The following NOS1AP variants were observed in gnomAD, a reference collection of about 807,000 sequenced individuals.
NOS1AP encodes carboxyl-terminal PDZ ligand of neuronal nitric oxide synthase protein.
Under a neutral mutation model 56.2 loss-of-function variants are expected in NOS1AP, and 21 were observed. The observed-to-expected ratio is 0.37, with a 90% CI of 0.26 to 0.54. NOS1AP has a LOEUF of 0.54. Among genes scored for constraint, NOS1AP ranks in the 20% least tolerant of loss-of-function variants. The pLI is 0.84. For synonymous variants in NOS1AP, 270 were observed against 274.6 expected (o/e 0.98, Z 0.17); for missense variants, 522 against 657.8 (o/e 0.79, Z 2.26).
At chr1:162,077,138 C>G (rs978815395) in intron 1 of NOS1AP, among the ~76,000 whole-genome samples, 5 of 151,928 alleles carry the variant, frequency 3.3e-5, no homozygotes, top group African/African-American at 1.2e-4. Context: ...CCATGGTAAC[C>G]ATGTGTGACC....
At chr1:162,254,612 A>G (rs905473500) in intron 2 of NOS1AP, among the ~76,000 whole-genome samples, 25 of 152,344 alleles carry the variant, frequency 1.6e-4, no homozygotes, top group African/African-American at 5.5e-4. Flanking sequence ...TGTTTTCTAC[A>G]GTAGCTAGCG....
chr1:162,079,217 C>T (rs1691836647), intron 1 of NOS1AP, among the ~76,000 whole-genome samples: 1 of 152,060 alleles, frequency 6.6e-6, no homozygotes, highest in African/African-American at 2.4e-5. Flanking sequence ...ATGAAAATAC[C>T]AAGTAAGCAT....
chr1:162,265,244 T>A (rs10919020), intron 2 of NOS1AP, among the ~76,000 whole-genome samples: 147,440 of 150,682 alleles, frequency 0.98, 72,209 homozygotes, highest in Middle Eastern at 1. Flanking sequence ...TTTTATTATT[T>A]TACTTTAAGT....
intron 4 of NOS1AP, among the ~76,000 whole-genome samples, chr1:162,314,251 G>C (rs1656155453): frequency 6.6e-6 from 1 of 152,194 alleles, no homozygotes; most frequent in Non-Finnish European, 1.5e-5. Context: ...ACTGAAAATA[G>C]CTACCAAAGC....
intron 2 of NOS1AP, among the ~76,000 whole-genome samples, chr1:162,219,072 C>T (rs1652677743): frequency 6.6e-6 from 1 of 152,094 alleles, no homozygotes. Context: ...CTAATAGCTT[C>T]GGCATGACAT....
intron 5 of NOS1AP, among the ~76,000 whole-genome samples, chr1:162,335,313 G>A (rs1053979504): frequency 6.6e-6 from 1 of 152,218 alleles, no homozygotes; most frequent in Admixed American, 6.5e-5. Flanking sequence ...CAGCCTGGGC[G>A]TTGAGCCCTG....
chr1:162,195,959 A>G (rs557700873), intron 2 of NOS1AP, among the ~76,000 whole-genome samples: 1 of 152,364 alleles, frequency 6.6e-6, no homozygotes, highest in African/African-American at 2.4e-5. Flanking sequence ...CTCTAAATAA[A>G]AAGTAAGCCA....
Position 162,081,777 on chromosome 1 carries a change from T to A in NOS1AP, c.105+11495T>A, listed in dbSNP as rs866209639. Among the ~76,000 whole-genome samples, 17 of 124,544 alleles carry A rather than the reference T, an allele frequency of 1.4e-4. 1 individual carries two copies. Among genetic ancestry groups the A allele is most frequent in the Middle Eastern group, 7.8e-3 (2 of 256 alleles). The allele number at this position is 124,544 out of a possible 152,430, so 81.7% of individuals were successfully genotyped here. On this transcript the variant is annotated intron_variant, in intron 1 of 9. Transcript: ENST00000361897. ...ATAGATATATATATATATATATATTTTTTTTTTGTAGAGATGGGTTTTCAC... is the reference window on the plus strand; with the variant it reads ...ATAGATATATATATATATATATATTATTTTTTTGTAGAGATGGGTTTTCAC...
At chr1:162,192,333 T>G (rs1366917120) in intron 2 of NOS1AP, among the ~76,000 whole-genome samples, 1 of 152,198 alleles carries the variant, frequency 6.6e-6, no homozygotes. Flanking sequence ...CTGCAGATTG[T>G]CCTGTTAAAC....
At chr1:162,335,204 G>A (rs943825182) in intron 5 of NOS1AP, among the ~76,000 whole-genome samples, 2 of 152,048 alleles carry the variant, frequency 1.3e-5, no homozygotes, top group African/African-American at 2.4e-5. Context: ...TTCCTATACC[G>A]CTTTCATCCT....
chr1:162,315,746 C>G (rs541923333), intron 4 of NOS1AP, among the ~76,000 whole-genome samples: 1 of 152,344 alleles, frequency 6.6e-6, no homozygotes, highest in Admixed American at 6.5e-5. Context: ...TTTGGCTTAA[C>G]ATTTCTGCCT....
chr1:162,198,434 T>G (rs1038505820), intron 2 of NOS1AP, among the ~76,000 whole-genome samples: 3 of 152,162 alleles, frequency 2.0e-5, no homozygotes, highest in Non-Finnish European at 4.4e-5. Context: ...GTGGCAAGAT[T>G]CAATCCCTTG....
intron 2 of NOS1AP, among the ~76,000 whole-genome samples, chr1:162,260,410 A>G (rs1169148132): frequency 6.6e-6 from 1 of 152,180 alleles, no homozygotes; most frequent in Admixed American, 6.5e-5. Flanking sequence ...AGGGCTTGGT[A>G]TTCAGAACCA....
intron 1 of NOS1AP, among the ~76,000 whole-genome samples, chr1:162,147,331 C>CAAAAAA: frequency 1.3e-5 from 1 of 74,844 alleles, no homozygotes; most frequent in Non-Finnish European, 2.9e-5. Context: ...GACTCCGTCT[C>CAAAAAA]AAAAAAAAAA....
At chr1:162,346,161 A>G (rs1041627410) in intron 6 of NOS1AP, among the ~76,000 whole-genome samples, 3 of 152,200 alleles carry the variant, frequency 2.0e-5, no homozygotes, top group African/African-American at 7.2e-5. Flanking sequence ...TTGACCCCCA[A>G]ATTTCCTTCA....
rs1212605498 is a variant in NOS1AP, at chr1:162,333,007, C to T, written c.345-10C>T. 2 of 1,599,688 alleles carry T rather than the reference C, an allele frequency of 1.3e-6. No homozygotes were observed. Among genetic ancestry groups the T allele is most frequent in the African/African-American group, 2.7e-5 (2 of 74,632 alleles). On this transcript the variant is annotated splice_polypyrimidine_tract_variant and intron_variant, in intron 4 of 9. Transcript: ENST00000361897. ...ATTTTCAGTGCATTTTTCTGTTGTT[C>T]TTCCTTTAGGATCTTCTATGTCTCT...
chr1:162,347,814 A>G (rs1267502101), intron 6 of NOS1AP, among the ~76,000 whole-genome samples: 2 of 152,114 alleles, frequency 1.3e-5, no homozygotes, highest in Non-Finnish European at 2.9e-5. Context: ...CCCTGAACAT[A>G]TAGTAAGTAT....
At chr1:162,363,317 A>G (rs967064646) in intron 8 of NOS1AP, 2 of 152,666 alleles carry the variant, frequency 1.3e-5, no homozygotes, top group African/African-American at 4.8e-5. Flanking sequence ...ATTATAAGGG[A>G]TACCAATGAA....
chr1:162,293,228 AT>A (rs200779033), intron 3 of NOS1AP, among the ~76,000 whole-genome samples: 1 of 151,218 alleles, frequency 6.6e-6, no homozygotes, highest in Admixed American at 6.6e-5. Flanking sequence ...GGCCTTTGCA[AT>A]TTTTTTTTGA....
Sources: gnomAD v4.1 joint callset for allele counts (sites outside exome capture counted in the v4.1 genomes callset) on GRCh38, gnomAD v4.1.1 for gene constraint, MANE v1.5 for transcripts, NCBI Gene and HGNC (gene_info 2026-07-23, HGNC 2026-07-21) for gene names.